The following GUCY2F variants were observed in gnomAD, a reference collection of about 807,000 sequenced individuals.
GUCY2F encodes the protein guanylate cyclase 2F, retinal.
A neutral mutation model predicts 73.1 loss-of-function variants in GUCY2F; 61 were observed. The observed-to-expected ratio is 0.83, with a 90% CI of 0.68 to 1.03. The LOEUF (loss-of-function observed/expected upper bound fraction) is 1.03. GUCY2F is among the 50% of genes least tolerant of loss of function. The pLI is 0.00. For synonymous variants in GUCY2F, 331 were observed against 307.8 expected (o/e 1.08, Z -0.79); for missense variants, 912 against 854.3 (o/e 1.07, Z -0.84).
At chrX:109,382,944 C>T (rs955806843) in intron 16 of GUCY2F, among the ~76,000 whole-genome samples, 1 of 111,995 alleles carries the variant, frequency 8.9e-6, no homozygotes, top group Non-Finnish European at 1.9e-5. Context: ...TTTCTAAAAA[C>T]TGTCACCCTA....
Position 109,408,989 on chromosome X carries a change from A to G in GUCY2F, c.1968+3T>C. On this transcript the variant is annotated splice_donor_region_variant and intron_variant, in intron 9 of 19. Transcript: ENST00000218006. The stretch of plus-strand genomic sequence containing the variant: ...CCAAGATTTCCTCAGTCTTCCCATT[A>G]ACCTTTATGAGATCCAGCAAGAGTG... 9.6e-7 allele frequency: 1 copy of G among 1,044,656 alleles called. No homozygotes were observed. 86.1% of individuals were successfully genotyped at this position (1,044,656 alleles called of 1,213,427 possible). A position where few individuals can be genotyped will look rare whatever the true frequency, so the allele number is the denominator to read the frequency against.
intron 8 of GUCY2F, among the ~76,000 whole-genome samples, chrX:109,414,315 A>G (rs1268405522): frequency 1.8e-5 from 2 of 111,196 alleles, no homozygotes; most frequent in African/African-American, 3.3e-5. Flanking sequence ...TTGGTGATTC[A>G]TGTCTGTTTC....
At chrX:109,463,806 C>T (rs940413680) in intron 3 of GUCY2F, among the ~76,000 whole-genome samples, 1 of 111,315 alleles carries the variant, frequency 9.0e-6, no homozygotes, top group Non-Finnish European at 1.9e-5. Context: ...ACATTGCCAC[C>T]CGTATGTGAT....
chrX:109,443,255 C>T (rs1286590757), intron 6 of GUCY2F, among the ~76,000 whole-genome samples: 1 of 111,117 alleles, frequency 9.0e-6, no homozygotes, highest in Non-Finnish European at 1.9e-5. Context: ...TAATGCCATC[C>T]TTTTCCACCT....
intron 9 of GUCY2F, among the ~76,000 whole-genome samples, chrX:109,405,461 C>A (rs1369279173): frequency 2.7e-5 from 3 of 112,380 alleles, no homozygotes; most frequent in African/African-American, 9.7e-5. Flanking sequence ...ATATGGTATT[C>A]AAATGTGACC....
intron 8 of GUCY2F, among the ~76,000 whole-genome samples, chrX:109,415,308 T>C (rs933460240): frequency 5.4e-5 from 6 of 112,139 alleles, no homozygotes; most frequent in Admixed American, 9.4e-5. Context: ...CTTTTGGCAA[T>C]TGTAGAAGAC....
chrX:109,385,818 T>A (rs1930423318), intron 15 of GUCY2F, among the ~76,000 whole-genome samples: 1 of 112,290 alleles, frequency 8.9e-6, no homozygotes, highest in Non-Finnish European at 1.9e-5. Flanking sequence ...CAAAGGATAT[T>A]TTGCATTTAG....
chrX:109,407,562 A>T (rs1262137692), intron 9 of GUCY2F, among the ~76,000 whole-genome samples: 1 of 113,015 alleles, frequency 8.8e-6, no homozygotes, highest in Non-Finnish European at 1.9e-5. Context: ...CCCAGGCCAC[A>T]TCAGAGACCT....
chrX:109,379,969 A>G (rs1372033503), intron 17 of GUCY2F, among the ~76,000 whole-genome samples: 1 of 111,852 alleles, frequency 8.9e-6, no homozygotes, highest in Non-Finnish European at 1.9e-5. Context: ...CCAATTACTC[A>G]ACTGCCCTAT....
Position 109,392,000 on chromosome X carries a change from C to A in GUCY2F, c.2692G>T (p.Ala898Ser). The change falls in exon 14 of 20, where the codon GCC becomes TCC. Residue 898 changes from alanine (A) to serine (S), a missense_variant. Transcript: ENST00000218006. ...ACGACCTCAATGGGCTCACTCATGG[C>A]TGAAATGGTTGTGAAGCCCACAATG... Reference protein sequence around the residue: ...SDIVGFTTISAMSEPIEVVDL... With the variant: ...SDIVGFTTISSMSEPIEVVDL... The A allele has an allele frequency of 8.3e-7, 1 of 1,207,534 alleles. No homozygotes were observed.
At chrX:109,424,828 A>G (rs923086538) in intron 8 of GUCY2F, among the ~76,000 whole-genome samples, 2 of 108,460 alleles carry the variant, frequency 1.8e-5, no homozygotes, top group Non-Finnish European at 3.8e-5. Context: ...GTTCAATGGC[A>G]TGATTTTGGC....
chrX:109,385,111 C>G, intron 16 of GUCY2F, 73 bp downstream of exon 16: 1 of 506,408 alleles, frequency 2.0e-6, no homozygotes. Flanking sequence ...CTCTCTTTCA[C>G]CTCTCTGAAG....
intron 13 of GUCY2F, 56 bp from the exon 14 acceptor site, chrX:109,392,159 T>C (rs1930580662): frequency 1.2e-5 from 10 of 851,901 alleles, no homozygotes; most frequent in Non-Finnish European, 1.7e-5. Context: ...TCATGCCACA[T>C]ACACCTGCTA....
At chrX:109,417,663 G>GT (rs1931277039) in intron 8 of GUCY2F, among the ~76,000 whole-genome samples, 1 of 111,071 alleles carries the variant, frequency 9.0e-6, no homozygotes, top group Admixed American at 9.6e-5. Context: ...TGCCTTAAAT[G>GT]TAAGTAGCCT....
At chrX:109,380,686 C>T (rs1467628629) in intron 17 of GUCY2F, among the ~76,000 whole-genome samples, 1 of 111,793 alleles carries the variant, frequency 8.9e-6, no homozygotes, top group Non-Finnish European at 1.9e-5. Context: ...GCAAAGGGCC[C>T]TTTTGAAGTT....
chrX:109,479,423 T>C (rs1932751542), intron 1 of GUCY2F, among the ~76,000 whole-genome samples: 1 of 112,183 alleles, frequency 8.9e-6, no homozygotes, highest in Admixed American at 9.4e-5. Flanking sequence ...GACCCAATTC[T>C]GCACCAACTC....
intron 8 of GUCY2F, among the ~76,000 whole-genome samples, chrX:109,420,070 T>C (rs1311295614): frequency 9.2e-6 from 1 of 109,008 alleles, no homozygotes; most frequent in Non-Finnish European, 1.9e-5. Context: ...ATGGAAAGCT[T>C]TTTAAAAACA....
chrX:109,479,881 C>CA lies in GUCY2F; in HGVS notation c.-86+1984dup, dbSNP rs773942569. 5.8e-4 allele frequency among the ~76,000 whole-genome samples: 59 copies of CA among 102,582 alleles called. 1 individual carries two copies. The highest frequency in any genetic ancestry group is 5.4e-3 in the East Asian group (18 of 3,325). 89.1% of individuals were successfully genotyped at this position (102,582 alleles called of 115,157 possible). A position where few individuals can be genotyped will look rare whatever the true frequency, so the allele number is the denominator to read the frequency against. On this transcript the variant is annotated intron_variant, in intron 1 of 19. Transcript: ENST00000218006. ...AGTTGGTCTGTGCTAAGACTAACTA[C>CA]AAAAAAAAAATGGGAGAGTATAAGG... is the stretch of plus-strand genomic sequence containing the variant.
Position 109,374,622 on chromosome X carries a change from C to CAG in GUCY2F, c.*1+1274_*1+1275dup, listed in dbSNP as rs767937406. On this transcript the variant is annotated intron_variant, in intron 19 of 19. Transcript: ENST00000218006. The stretch of plus-strand genomic sequence containing the variant: ...TCAAGAACTTCCAAACACTTTCCTA[C>CAG]AGAGAGAGAGAGAGAGAGAGAGAGG... Among the ~76,000 whole-genome samples the CAG allele has an allele frequency of 6.0e-3, 642 of 106,165 alleles. 2 individuals are homozygous for CAG. The highest frequency in any genetic ancestry group is 0.013 in the African/African-American group (369 of 29,333). The allele number at this position is 106,165 out of a possible 115,157, so 92.2% of individuals were successfully genotyped here. A position where few individuals can be genotyped will look rare whatever the true frequency, so the allele number is the denominator to read the frequency against.
Sources: allele counts gnomAD v4.1 joint callset (sites outside exome capture counted in the v4.1 genomes callset), GRCh38; gene constraint gnomAD v4.1.1; transcripts MANE v1.5; gene names NCBI Gene and HGNC (gene_info 2026-07-23, HGNC 2026-07-21).